RAPGEF5: variants seen among roughly 807,000 people sequenced by gnomAD.
The protein encoded by RAPGEF5 is M-Ras-regulated GEF.
In RAPGEF5, 65 loss-of-function variants were observed where a neutral mutation model predicts 125.2. That is an observed-to-expected ratio of 0.52 (90% CI 0.43 to 0.64). The LOEUF (loss-of-function observed/expected upper bound fraction) is 0.64. Ranked by LOEUF, RAPGEF5 falls within the 30% of genes least tolerant of loss-of-function variation. The pLI is 0.00. For missense variants in RAPGEF5, 958 were observed against 1,048.1 expected, an observed-to-expected ratio of 0.91 and a Z score of 1.19; for synonymous variants, 391 against 385.9, an observed-to-expected ratio of 1.01 and a Z score of -0.16.
intron 11 of RAPGEF5, among the ~76,000 whole-genome samples, chr7:22,182,001 T>C (rs935862873): frequency 6.6e-6 from 1 of 152,164 alleles, no homozygotes. Context: ...AATAATTGAT[T>C]GAAACATGCT....
chr7:22,314,209 A>G (rs1783539718), intron 3 of RAPGEF5, among the ~76,000 whole-genome samples: 1 of 152,218 alleles, frequency 6.6e-6, no homozygotes, highest in Non-Finnish European at 1.5e-5. Flanking sequence ...GTGATGTTAA[A>G]AAAATGGTTG....
At chr7:22,249,606 G>A (rs1786567427) in intron 7 of RAPGEF5, among the ~76,000 whole-genome samples, 1 of 152,126 alleles carries the variant, frequency 6.6e-6, no homozygotes. Flanking sequence ...ACAAAGCTTG[G>A]TAATAATTCT....
At chr7:22,122,626 T>C in intron 25 of RAPGEF5, 105 bp from the exon 26 acceptor site, 8 of 777,660 alleles carry the variant, frequency 1.0e-5, no homozygotes, top group Non-Finnish European at 1.7e-5. Context: ...ACTAGGTGGG[T>C]TCTCATTAGT....
In RAPGEF5 at chr7:22,310,080, C is replaced by T. The variant is rs546589264; in HGVS notation, c.400G>A (p.Val134Ile). The T allele has an allele frequency of 1.8e-5, 28 of 1,574,062 alleles. No individual in the cohort carries two copies. The African/African-American group carries it at 2.9e-4, about 16-fold the overall frequency. ...NLKGFYRRSC[V>I]GSELVDWLLE... Reference sequence around the variant, plus strand: ...AGCCAGTCTACCAGCTCTGACCCAACGCAGCTCCTCCTGAACAAAAGCAAA... The same window carrying T: ...AGCCAGTCTACCAGCTCTGACCCAATGCAGCTCCTCCTGAACAAAAGCAAA... The change falls in exon 4 of 26, where the codon GTT (valine) becomes ATT (isoleucine). Residue 134 changes from valine to isoleucine, a missense_variant. Transcript: ENST00000665637.
chr7:22,227,622 T>C (rs1045911700), intron 8 of RAPGEF5, among the ~76,000 whole-genome samples: 38 of 152,154 alleles, frequency 2.5e-4, no homozygotes, highest in African/African-American at 9.2e-4. Context: ...GGCAGACTGC[T>C]TGAGCCCAGG....
intron 24 of RAPGEF5, among the ~76,000 whole-genome samples, chr7:22,126,933 TC>T (rs1282574589): frequency 1.3e-5 from 2 of 152,044 alleles, no homozygotes; most frequent in Non-Finnish European, 2.9e-5. Flanking sequence ...AACATCAACA[TC>T]TTTAGAGACC....
chr7:22,262,129 C>T (rs1456990383), intron 7 of RAPGEF5, among the ~76,000 whole-genome samples: 1 of 152,030 alleles, frequency 6.6e-6, no homozygotes, highest in African/African-American at 2.4e-5. Context: ...AAGCTACAGA[C>T]TAGAAGAAAA....
At chr7:22,186,463 A>G (rs17150405) in intron 11 of RAPGEF5, among the ~76,000 whole-genome samples, 2,686 of 152,306 alleles carry the variant, frequency 0.018, 80 homozygotes, top group African/African-American at 0.061. Context: ...AGTTATCCCA[A>G]ATTAGTGCCT....
chr7:22,239,558 C>T (rs764327942), intron 7 of RAPGEF5, among the ~76,000 whole-genome samples: 8 of 152,042 alleles, frequency 5.3e-5, no homozygotes, highest in Non-Finnish European at 1.2e-4. Context: ...GCTCCACCCT[C>T]CCTGCTGCCT....
At position 22,231,876 on chromosome 7, in the gene RAPGEF5, C is replaced by T. The variant is rs563869186; in HGVS notation, c.797-957G>A. ...CTAAGCCTAAGAACACGGGGAACCA[C>T]GAAAGAATTTTAAATTGGGAAGTGC... On this transcript the variant is annotated intron_variant, in intron 7 of 25. Coordinates refer to ENST00000665637, the MANE Select transcript of RAPGEF5 (RefSeq NM_012294.5). Among the ~76,000 whole-genome samples the T allele has an allele frequency of 7.2e-5, 11 of 152,252 alleles. No homozygotes were observed. The East Asian group carries it at 7.7e-4, about 11-fold the overall frequency.
intron 7 of RAPGEF5, among the ~76,000 whole-genome samples, chr7:22,259,789 C>A (rs891686547): frequency 6.6e-6 from 1 of 152,158 alleles, no homozygotes; most frequent in Non-Finnish European, 1.5e-5. Context: ...ACAACAACTA[C>A]GGAGAGAGTA....
intron 21 of RAPGEF5, among the ~76,000 whole-genome samples, chr7:22,138,013 ACACACACACACACACACACACGCACG>A (rs1359193646): frequency 2.0e-5 from 3 of 150,228 alleles, no homozygotes; most frequent in South Asian, 4.2e-4. Context: ...AACTACACAC[ACACACACACACACACACACACGCACG>A]CACGCACACA....
rs760555458 is a variant in RAPGEF5 at position 22,193,364 on chromosome 7, T to C, written c.1204+3A>G. The C allele has an allele frequency of 9.5e-6, 15 of 1,580,332 alleles. No individual in the cohort carries two copies. The highest frequency in any genetic ancestry group is 7.7e-6 in the Non-Finnish European group (9 of 1,161,856). On this transcript the variant is annotated splice_donor_region_variant and intron_variant, in intron 11 of 25. Transcript: ENST00000665637. The stretch of plus-strand genomic sequence containing the variant: ...TGGAAGCATGAGCTACTCAGAGCCT[T>C]ACCTGTTTCTTTGTCCTGGACTTCT...
intron 7 of RAPGEF5, among the ~76,000 whole-genome samples, chr7:22,260,324 G>A (rs2686471): frequency 0.43 from 64,911 of 151,806 alleles, 14,827 homozygotes; most frequent in East Asian, 0.72. Flanking sequence ...TGTAAAAAAC[G>A]TAACATTCCA....
intron 6 of RAPGEF5, among the ~76,000 whole-genome samples, chr7:22,288,532 T>C (rs1782852249): frequency 6.6e-6 from 1 of 151,750 alleles, no homozygotes; most frequent in South Asian, 2.1e-4. Flanking sequence ...TTTTCTTTTT[T>C]TTTTTTTTGA....
At chr7:22,291,726 G>A (rs1265903279) in intron 5 of RAPGEF5, among the ~76,000 whole-genome samples, 1 of 152,132 alleles carries the variant, frequency 6.6e-6, no homozygotes, top group Non-Finnish European at 1.5e-5. Context: ...GAATTATGAG[G>A]AATATAAAAA....
At chr7:22,246,410 T>C (rs1218288222) in intron 7 of RAPGEF5, among the ~76,000 whole-genome samples, 1 of 151,940 alleles carries the variant, frequency 6.6e-6, no homozygotes, top group Non-Finnish European at 1.5e-5. Flanking sequence ...ATAGATAACC[T>C]AGAAATAAAG....
chr7:22,316,120 G>A (rs1783583719), intron 2 of RAPGEF5, among the ~76,000 whole-genome samples: 1 of 151,820 alleles, frequency 6.6e-6, no homozygotes, highest in East Asian at 1.9e-4. Flanking sequence ...GTTCTTGGAG[G>A]ATGAAGAAGG....
Position 22,193,442 on chromosome 7 carries a change from ACAC to A in RAPGEF5, c.1126_1128del (p.Val376del). 6.3e-7 allele frequency: 1 copy of A among 1,592,194 alleles called. No individual in the cohort carries two copies. The highest frequency in any genetic ancestry group is 8.6e-7 in the Non-Finnish European group (1 of 1,168,594). ...TCCAAAATCTTCTCCGGGGTCCCGG[ACAC>A]CACCACATATCTGTCAGAGAGCAGA... On this transcript the variant is annotated inframe_deletion, in exon 11 of 26. Coordinates refer to ENST00000665637, the MANE Select transcript of RAPGEF5 (RefSeq NM_012294.5).
Sources: allele counts gnomAD v4.1 joint callset (sites outside exome capture counted in the v4.1 genomes callset), GRCh38; gene constraint gnomAD v4.1.1; transcripts MANE v1.5; gene names NCBI Gene and HGNC (gene_info 2026-07-23, HGNC 2026-07-21).